INSYN2B: variants seen among roughly 807,000 people sequenced by gnomAD.
INSYN2B encodes the protein protein INSYN2B.
In INSYN2B, 16 loss-of-function variants were observed where a neutral mutation model predicts 41.2. The ratio of observed to expected loss-of-function variants is 0.39; its 90% CI spans 0.26 to 0.59. The LOEUF (loss-of-function observed/expected upper bound fraction) is 0.59, where lower values mean the gene tolerates loss of function less well. INSYN2B is among the 20% of genes least tolerant of loss of function. The pLI is 0.57. For missense variants in INSYN2B, 608 were observed against 646.4 expected, an observed-to-expected ratio of 0.94 and a Z score of 0.64; for synonymous variants, 245 against 244.4, an observed-to-expected ratio of 1.00 and a Z score of -0.02.
chr5:169,969,944 G>A (rs1777440012), intron 1 of INSYN2B, among the ~76,000 whole-genome samples: 1 of 152,166 alleles, frequency 6.6e-6, no homozygotes, highest in African/African-American at 2.4e-5. Flanking sequence ...TTTAATTGTT[G>A]ACAACAAATT....
rs114852169 is a variant in INSYN2B, at chr5:169,864,966, C to A, written c.1422-507G>T. On this transcript the variant is annotated intron_variant, in intron 3 of 3. Coordinates refer to ENST00000377365, the MANE Select transcript of INSYN2B (RefSeq NM_001129891.3). ...AATGCTCAGAGTAGTGCCTGGCGTG[C>A]GCTAAGTCCTCCGTATGTGTTAGCT... 2.4e-4 allele frequency among the ~76,000 whole-genome samples: 37 copies of A among 152,242 alleles called. No individual in the cohort carries two copies. In the South Asian group the frequency reaches 6.4e-3, roughly 26 times the overall value.
At chr5:169,905,820 C>T (rs1353723927) in intron 1 of INSYN2B, among the ~76,000 whole-genome samples, 8 of 152,190 alleles carry the variant, frequency 5.3e-5, no homozygotes, top group South Asian at 2.1e-4. Flanking sequence ...AAAGTGAGAA[C>T]ACTTTGGGGC....
chr5:169,888,708 A>G (rs986692127), intron 1 of INSYN2B, among the ~76,000 whole-genome samples: 11 of 152,226 alleles, frequency 7.2e-5, no homozygotes, highest in African/African-American at 2.4e-4. Flanking sequence ...GGAACAAGTG[A>G]CTTGATCTTT....
At chr5:169,938,479 G>A (rs1776090061) in intron 1 of INSYN2B, among the ~76,000 whole-genome samples, 1 of 152,104 alleles carries the variant, frequency 6.6e-6, no homozygotes, top group South Asian at 2.1e-4. Context: ...AATACTGTAG[G>A]CAATTAGAAC....
chr5:169,956,536 C>T (rs1156978063), intron 1 of INSYN2B, among the ~76,000 whole-genome samples: 1 of 152,182 alleles, frequency 6.6e-6, no homozygotes, highest in African/African-American at 2.4e-5. Flanking sequence ...TGTAAGTGAA[C>T]AGAGAGAAAG....
At chr5:169,891,545 A>G (rs1189846774) in intron 1 of INSYN2B, among the ~76,000 whole-genome samples, 3 of 152,174 alleles carry the variant, frequency 2.0e-5, no homozygotes, top group Non-Finnish European at 4.4e-5. Flanking sequence ...CTAAAACAGA[A>G]TAAAGTGGAG....
intron 1 of INSYN2B, among the ~76,000 whole-genome samples, chr5:169,904,711 G>A (rs769561787): frequency 6.6e-6 from 1 of 152,182 alleles, no homozygotes; most frequent in African/African-American, 2.4e-5. Flanking sequence ...TACCGAGGGT[G>A]GCCTCAGCTC....
intron 1 of INSYN2B, among the ~76,000 whole-genome samples, chr5:169,901,818 GC>G (rs902525670): frequency 2.0e-5 from 3 of 152,218 alleles, no homozygotes; most frequent in African/African-American, 7.2e-5. Context: ...TGGACCCTCA[GC>G]CATGTGCTAT....
At chr5:169,937,961 A>T (rs1332380571) in intron 1 of INSYN2B, among the ~76,000 whole-genome samples, 1 of 152,232 alleles carries the variant, frequency 6.6e-6, no homozygotes, top group Non-Finnish European at 1.5e-5. Flanking sequence ...CAGGAGGTGG[A>T]CATCACCCCC....
chr5:169,948,697 T>C (rs1480336066), intron 1 of INSYN2B, among the ~76,000 whole-genome samples: 1 of 151,698 alleles, frequency 6.6e-6, no homozygotes. Context: ...CACTGCAGTC[T>C]GGAACTTATG....
chr5:169,868,410 C>A (rs1214314931), intron 3 of INSYN2B, among the ~76,000 whole-genome samples: 2 of 152,180 alleles, frequency 1.3e-5, no homozygotes, highest in African/African-American at 4.8e-5. Context: ...AATAAACAAA[C>A]AATGACAACA....
At chr5:169,903,031 G>A (rs1005271452) in intron 1 of INSYN2B, among the ~76,000 whole-genome samples, 2 of 151,962 alleles carry the variant, frequency 1.3e-5, no homozygotes, top group African/African-American at 4.8e-5. Flanking sequence ...AAAGGAGGTG[G>A]AGGTTGCAGT....
intron 1 of INSYN2B, among the ~76,000 whole-genome samples, chr5:169,907,022 C>G (rs1263101411): frequency 6.6e-6 from 1 of 152,118 alleles, no homozygotes; most frequent in Non-Finnish European, 1.5e-5. Context: ...GAGCAGGGTC[C>G]CTGCTCTCAC....
chr5:169,953,347 AAG>A (rs1175831719), intron 1 of INSYN2B, among the ~76,000 whole-genome samples: 2 of 150,962 alleles, frequency 1.3e-5, no homozygotes, highest in Non-Finnish European at 3.0e-5. Flanking sequence ...AAAAAAAAAA[AAG>A]AGAGAGAGAG....
Position 169,883,058 on chromosome 5 carries a change from G to T in INSYN2B, c.841C>A (p.Pro281Thr). Residue 281 changes from proline (P) to threonine (T), a missense_variant, in exon 2 of 4, where the codon CCC becomes ACC. Coordinates refer to ENST00000377365, the MANE Select transcript of INSYN2B (RefSeq NM_001129891.3). ...TEELKPELLL[P>T]KDNSDDKDLG... ...TCTTTGTCATCTGAGTTGTCTTTGG[G>T]CAAAAGCAATTCAGGTTTAAGTTCC... 1 of 1,551,558 alleles carries T rather than the reference G, an allele frequency of 6.4e-7. No homozygotes were observed. Among genetic ancestry groups the T allele is most frequent in the Non-Finnish European group, 8.7e-7 (1 of 1,146,946 alleles).
intron 1 of INSYN2B, among the ~76,000 whole-genome samples, chr5:169,923,479 G>T (rs1240868368): frequency 9.1e-6 from 1 of 110,216 alleles, no homozygotes; most frequent in Non-Finnish European, 1.8e-5. Context: ...GTGCATGCAC[G>T]TGGGCACACA....
chr5:169,958,413 C>T (rs1328815885), intron 1 of INSYN2B, among the ~76,000 whole-genome samples: 27 of 152,134 alleles, frequency 1.8e-4, no homozygotes, highest in Admixed American at 1.7e-3. Flanking sequence ...CAAACTCCAT[C>T]ATCCGAATAA....
At chr5:169,917,682 G>C (rs950548250) in intron 1 of INSYN2B, among the ~76,000 whole-genome samples, 1 of 152,154 alleles carries the variant, frequency 6.6e-6, no homozygotes, top group East Asian at 1.9e-4. Context: ...GAAATGAAGG[G>C]GAGAACATGT....
At chr5:169,875,130 TC>T in intron 3 of INSYN2B, 1 of 449,018 alleles carries the variant, frequency 2.2e-6, no homozygotes. Flanking sequence ...GGGCTGGTTG[TC>T]ACAAAACTTT....
Sources: allele counts gnomAD v4.1 joint callset (sites outside exome capture counted in the v4.1 genomes callset), GRCh38; gene constraint gnomAD v4.1.1; transcripts MANE v1.5; gene names NCBI Gene and HGNC (gene_info 2026-07-23, HGNC 2026-07-21).